Variants in TTC28 observed in about 807,000 individuals in gnomAD.
The protein encoded by TTC28 is tetratricopeptide repeat domain 28.
A neutral mutation model predicts 198.0 loss-of-function variants in TTC28; 61 were observed. That is an observed-to-expected ratio of 0.31 (90% CI 0.25 to 0.38). TTC28 has a LOEUF of 0.38. Ranked by LOEUF, TTC28 falls within the 10% of genes least tolerant of loss-of-function variation. The probability of loss-of-function intolerance (pLI) is 1.00; values close to 1 mark genes in which losing one functional copy is unlikely to be tolerated. For synonymous variants in TTC28, 1,171 were observed against 1,297.8 expected, an observed-to-expected ratio of 0.90 and a Z score of 2.10; for missense variants, 2,678 against 3,164.0, an observed-to-expected ratio of 0.85 and a Z score of 3.69.
At chr22:28,517,869 A>G (rs529149896) in intron 2 of TTC28, among the ~76,000 whole-genome samples, 1 of 152,282 alleles carries the variant, frequency 6.6e-6, no homozygotes, top group South Asian at 2.1e-4. Context: ...AACACATTCA[A>G]AGTGATTATT....
At chr22:28,315,636 G>A (rs1324891515) in intron 2 of TTC28, among the ~76,000 whole-genome samples, 2 of 152,140 alleles carry the variant, frequency 1.3e-5, no homozygotes, top group African/African-American at 2.4e-5. Flanking sequence ...ATTGAAAAGA[G>A]TAAGTTCCTT....
chr22:28,439,163 G>A (rs1029409252), intron 2 of TTC28, among the ~76,000 whole-genome samples: 29 of 152,188 alleles, frequency 1.9e-4, no homozygotes, highest in African/African-American at 7.0e-4. Flanking sequence ...TGTAAAATAT[G>A]GTTCCTGAAC....
intron 6 of TTC28, among the ~76,000 whole-genome samples, chr22:28,110,960 T>G (rs1942464521): frequency 6.6e-6 from 1 of 151,762 alleles, no homozygotes; most frequent in Admixed American, 6.6e-5. Context: ...AAAGTTAAGT[T>G]TATTGACATA....
At chr22:28,387,878 G>A (rs566820412) in intron 2 of TTC28, among the ~76,000 whole-genome samples, 1 of 152,284 alleles carries the variant, frequency 6.6e-6, no homozygotes, top group African/African-American at 2.4e-5. Flanking sequence ...TTTGGCTTTG[G>A]TTGCCATTGC....
chr22:28,329,940 G>C (rs76485229), intron 2 of TTC28, among the ~76,000 whole-genome samples: 5,257 of 152,192 alleles, frequency 0.035, 147 homozygotes, highest in Non-Finnish European at 0.053. Context: ...TTTCTTAATA[G>C]CTCTGCTAAA....
At chr22:28,028,465 G>C (rs1336903096) in intron 13 of TTC28, among the ~76,000 whole-genome samples, 2 of 152,172 alleles carry the variant, frequency 1.3e-5, no homozygotes, top group Non-Finnish European at 2.9e-5. Flanking sequence ...AATAAGCTAG[G>C]GCCCTAGATA....
At chr22:28,467,437 T>C (rs1028970120) in intron 2 of TTC28, among the ~76,000 whole-genome samples, 2 of 152,134 alleles carry the variant, frequency 1.3e-5, no homozygotes, top group African/African-American at 4.8e-5. Flanking sequence ...AAAATACATA[T>C]ACTGATTTCT....
At chr22:28,388,184 A>C (rs1028046533) in intron 2 of TTC28, among the ~76,000 whole-genome samples, 2 of 152,088 alleles carry the variant, frequency 1.3e-5, no homozygotes, top group South Asian at 4.1e-4. Context: ...TGAGGGCTCT[A>C]TTCTGTTCCA....
chr22:28,645,157 C>T (rs1185286616), intron 1 of TTC28, among the ~76,000 whole-genome samples: 1 of 151,660 alleles, frequency 6.6e-6, no homozygotes, highest in Non-Finnish European at 1.5e-5. Flanking sequence ...AAAAAAAATG[C>T]TCCAGTTCGT....
At chr22:28,012,925 C>T (rs1938217174) in intron 14 of TTC28, among the ~76,000 whole-genome samples, 1 of 152,174 alleles carries the variant, frequency 6.6e-6, no homozygotes, top group African/African-American at 2.4e-5. Flanking sequence ...TTGCCATTGT[C>T]ACCCAGCCAG....
At chr22:28,433,897 A>G (rs2047475269) in intron 2 of TTC28, among the ~76,000 whole-genome samples, 1 of 152,200 alleles carries the variant, frequency 6.6e-6, no homozygotes, top group Non-Finnish European at 1.5e-5. Context: ...AAATGTTTTC[A>G]GTCTCTGACA....
chr22:28,324,244 G>A (rs2045490340), intron 2 of TTC28, among the ~76,000 whole-genome samples: 1 of 152,058 alleles, frequency 6.6e-6, no homozygotes, highest in Non-Finnish European at 1.5e-5. Flanking sequence ...TTGAGCCCAG[G>A]AGTTCAAGAC....
At chr22:28,103,841 T>C (rs1385778742) in intron 8 of TTC28, among the ~76,000 whole-genome samples, 1 of 152,220 alleles carries the variant, frequency 6.6e-6, no homozygotes, top group Non-Finnish European at 1.5e-5. Context: ...AGCTGAAAAG[T>C]TGTCATATGA....
At chr22:28,192,981 C>A (rs555542966) in intron 5 of TTC28, among the ~76,000 whole-genome samples, 67 of 152,196 alleles carry the variant, frequency 4.4e-4, no homozygotes, top group African/African-American at 1.3e-3. Flanking sequence ...CTCCAAGACA[C>A]ATATTGTCAG....
intron 2 of TTC28, among the ~76,000 whole-genome samples, chr22:28,580,148 T>C (rs2050214891): frequency 6.6e-6 from 1 of 152,154 alleles, no homozygotes; most frequent in African/African-American, 2.4e-5. Context: ...AAGGTAGTTA[T>C]TGACTTATTA....
intron 2 of TTC28, among the ~76,000 whole-genome samples, chr22:28,391,076 G>T (rs1325461663): frequency 2.6e-5 from 4 of 151,910 alleles, no homozygotes; most frequent in East Asian, 1.9e-4. Flanking sequence ...GTCTGTAAAG[G>T]ATTTTATTTC....
At chr22:28,034,506 A>C (rs1939254300) in intron 12 of TTC28, among the ~76,000 whole-genome samples, 1 of 152,230 alleles carries the variant, frequency 6.6e-6, no homozygotes. Flanking sequence ...GACATCCTTC[A>C]TGGGCCCTTT....
chr22:27,982,105 G>A lies in TTC28; in HGVS notation c.*116C>T. On this transcript the variant is annotated 3_prime_UTR_variant, in exon 23 of 23. Transcript: ENST00000397906. This position sits in a 1 kb window ranked among gnomAD's most constrained non-coding sequence, Gnocchi z 5.2. ...CGTGGTGGTGCCCCTCGCCTGCAGA[G>A]CACAGCATCATGAGGGTGCTGGTGG... 8.9e-7 allele frequency: 1 copy of A among 1,124,144 alleles called. No individual in the cohort carries two copies. The highest frequency in any genetic ancestry group is 1.2e-6 in the Non-Finnish European group (1 of 811,958). The allele number at this position is 1,124,144 out of a possible 1,614,324, so 69.6% of individuals were successfully genotyped here.
At chr22:28,334,996 T>C (rs1016989541) in intron 2 of TTC28, among the ~76,000 whole-genome samples, 3 of 152,212 alleles carry the variant, frequency 2.0e-5, no homozygotes, top group Non-Finnish European at 4.4e-5. Context: ...AGGTCTAATA[T>C]TTAAGTCTTT....
Sources: gnomAD v4.1 joint callset for allele counts (sites outside exome capture counted in the v4.1 genomes callset) on GRCh38, gnomAD v4.1.1 for gene constraint, Gnocchi (gnomAD v3.1) non-coding constraint, MANE v1.5 for transcripts, NCBI Gene and HGNC (gene_info 2026-07-23, HGNC 2026-07-21) for gene names.